Variants in LRRC1 observed in about 807,000 individuals in gnomAD.
The protein encoded by LRRC1 is leucine rich repeat containing 1.
In LRRC1, 28 loss-of-function variants were observed where a neutral mutation model predicts 69.9. The ratio of observed to expected loss-of-function variants is 0.40; its 90% CI spans 0.30 to 0.55. The LOEUF (loss-of-function observed/expected upper bound fraction) is 0.55, where lower values mean the gene tolerates loss of function less well. Among genes scored for constraint, LRRC1 ranks in the 20% least tolerant of loss-of-function variants. The pLI, the probability that LRRC1 is intolerant of heterozygous loss-of-function variation, is 0.47. For missense variants in LRRC1, 498 were observed against 609.0 expected, an observed-to-expected ratio of 0.82 and a Z score of 1.92; for synonymous variants, 236 against 240.2, an observed-to-expected ratio of 0.98 and a Z score of 0.16.
intron 8 of LRRC1, among the ~76,000 whole-genome samples, chr6:53,901,861 A>T (rs988925178): frequency 6.6e-6 from 1 of 152,236 alleles, no homozygotes; most frequent in African/African-American, 2.4e-5. Context: ...CCGAGGCAAG[A>T]TACGCCTTTC....
Position 53,920,767 on chromosome 6 carries a change from G to A in LRRC1, c.1416+6G>A. 1.9e-6 allele frequency: 3 copies of A among 1,614,134 alleles called. No individual in the cohort carries two copies. Among genetic ancestry groups the A allele is most frequent in the Non-Finnish European group, 8.5e-7 (1 of 1,179,988 alleles). ...ATGAAGAAGACAATGAGACGGTATGGAAATGCAGATTCTTTGCCTCTGTGG... is the reference window on the plus strand; with the variant it reads ...ATGAAGAAGACAATGAGACGGTATGAAAATGCAGATTCTTTGCCTCTGTGG... On this transcript the variant is annotated splice_donor_region_variant and intron_variant, in intron 13 of 13. Transcript: ENST00000370888.
At chr6:53,845,653 G>A (rs1379312901) in intron 2 of LRRC1, among the ~76,000 whole-genome samples, 4 of 152,180 alleles carry the variant, frequency 2.6e-5, no homozygotes, top group Non-Finnish European at 2.9e-5. Flanking sequence ...ATTTTGCATT[G>A]TTTTGGCCAT....
intron 11 of LRRC1, among the ~76,000 whole-genome samples, chr6:53,917,088 T>C (rs563271971): frequency 6.6e-6 from 1 of 152,322 alleles, no homozygotes; most frequent in East Asian, 1.9e-4. Flanking sequence ...AAAAATGTAT[T>C]ATTAGCTCCT....
At chr6:53,909,047 A>G (rs570107081) in intron 10 of LRRC1, among the ~76,000 whole-genome samples, 3 of 152,372 alleles carry the variant, frequency 2.0e-5, no homozygotes, top group African/African-American at 7.2e-5. Context: ...TTGATTCTGC[A>G]ATTCCACGTC....
At chr6:53,910,213 A>T (rs752088288) in intron 10 of LRRC1, among the ~76,000 whole-genome samples, 3 of 152,176 alleles carry the variant, frequency 2.0e-5, no homozygotes, top group Non-Finnish European at 4.4e-5. Context: ...ATCCAAGTCC[A>T]ACCCCTTGTA....
chr6:53,879,173 T>C, intron 3 of LRRC1, 102 bp downstream of exon 3: 1 of 705,098 alleles, frequency 1.4e-6, no homozygotes, highest in Non-Finnish European at 2.5e-6. Context: ...GGTACCTAGA[T>C]GGATCACTGT....
intron 1 of LRRC1, among the ~76,000 whole-genome samples, chr6:53,822,423 A>G (rs74646641): frequency 0.011 from 1,650 of 152,306 alleles, 30 homozygotes; most frequent in African/African-American, 0.037. Flanking sequence ...GTTGCTATAG[A>G]CTAACCCAGG....
At chr6:53,854,231 C>T (rs1766239080) in intron 2 of LRRC1, among the ~76,000 whole-genome samples, 1 of 152,202 alleles carries the variant, frequency 6.6e-6, no homozygotes, top group South Asian at 2.1e-4. Context: ...GTTAATTCAG[C>T]AGGTTTCCTT....
chr6:53,903,405 C>T (rs771637240), intron 9 of LRRC1, among the ~76,000 whole-genome samples: 12 of 152,132 alleles, frequency 7.9e-5, no homozygotes, highest in Non-Finnish European at 1.8e-4. Flanking sequence ...TTTTCCTGTC[C>T]TGCTGCCCCC....
intron 2 of LRRC1, among the ~76,000 whole-genome samples, chr6:53,842,429 T>C (rs756439732): frequency 6.6e-6 from 1 of 152,220 alleles, no homozygotes; most frequent in South Asian, 2.1e-4. Flanking sequence ...CTGATAGTTA[T>C]GGGAAAACTA....
intron 8 of LRRC1, 43 bp from the exon 9 acceptor site, chr6:53,902,586 G>A (rs766559884): frequency 8.4e-7 from 1 of 1,194,402 alleles, no homozygotes; most frequent in South Asian, 1.5e-5. Flanking sequence ...GAAAATAATT[G>A]TAACTAATGA....
intron 1 of LRRC1, among the ~76,000 whole-genome samples, chr6:53,825,715 G>A (rs1581856037): frequency 6.6e-6 from 1 of 152,186 alleles, no homozygotes; most frequent in African/African-American, 2.4e-5. Context: ...TGATGATAAC[G>A]CAGCAGACTA....
At chr6:53,823,355 T>C (rs1257618494) in intron 1 of LRRC1, among the ~76,000 whole-genome samples, 1 of 152,322 alleles carries the variant, frequency 6.6e-6, no homozygotes, top group East Asian at 1.9e-4. Context: ...GACAAGTTGA[T>C]AATTGCCTTG....
rs377439238 is a variant in LRRC1, at chr6:53,899,886, G to A, written c.782G>A (p.Gly261Asp). The change falls in exon 8 of 14, where the codon GGC (glycine) becomes GAC (aspartate). Residue 261 changes from glycine (G) to aspartate (D), a missense_variant. Around this residue, in one of 3 missense-constraint regions of LRRC1, gnomAD observed 266 missense variants for 383.9 expected, o/e 0.69. Transcript: ENST00000370888. ...SQNLLETIPD[G>D]IGKLKKLSIL... ...AACTTATTAGAAACGATTCCGGATG[G>A]CATTGGTAAGCATTGGAAATCACTA... is the stretch of plus-strand genomic sequence containing the variant. The A allele has an allele frequency of 1.9e-6, 3 of 1,613,632 alleles. No individual in the cohort carries two copies. The highest frequency in any genetic ancestry group is 2.5e-6 in the Non-Finnish European group (3 of 1,179,794).
chr6:53,872,250 TTC>T (rs1351898792), intron 2 of LRRC1, among the ~76,000 whole-genome samples: 1 of 152,168 alleles, frequency 6.6e-6, no homozygotes, highest in Non-Finnish European at 1.5e-5. Context: ...GTGGATTTAT[TTC>T]TGTTTTTTAA....
At chr6:53,906,075 G>A (rs2127438978) in intron 10 of LRRC1, among the ~76,000 whole-genome samples, 1 of 152,250 alleles carries the variant, frequency 6.6e-6, no homozygotes, top group East Asian at 1.9e-4. Flanking sequence ...CTTTTTTAAT[G>A]CCAGGCACTG....
intron 10 of LRRC1, among the ~76,000 whole-genome samples, chr6:53,907,965 T>C (rs1008858107): frequency 3.3e-5 from 5 of 152,220 alleles, no homozygotes; most frequent in Non-Finnish European, 7.3e-5. Flanking sequence ...CTTTATTTGC[T>C]ACACCTGGCA....
chr6:53,891,400 A>G (rs1767674626), intron 4 of LRRC1, among the ~76,000 whole-genome samples: 1 of 152,068 alleles, frequency 6.6e-6, no homozygotes, highest in East Asian at 1.9e-4. Context: ...AGACAGTAAG[A>G]TACTGTGCAA....
intron 1 of LRRC1, among the ~76,000 whole-genome samples, chr6:53,823,458 T>G (rs1160906722): frequency 5.3e-5 from 8 of 152,210 alleles, no homozygotes; most frequent in African/African-American, 1.7e-4. Flanking sequence ...TTTATTTTTC[T>G]TCTAATTAAC....
Sources: allele counts gnomAD v4.1 joint callset (sites outside exome capture counted in the v4.1 genomes callset), GRCh38; gene constraint gnomAD v4.1.1; regional missense constraint gnomAD v4.1.1; transcripts MANE v1.5; gene names NCBI Gene and HGNC (gene_info 2026-07-23, HGNC 2026-07-21).